MEF2A: variants seen among roughly 807,000 people sequenced by gnomAD.
MEF2A encodes myocyte-specific enhancer factor 2A.
In MEF2A, 28 loss-of-function variants were observed where a neutral mutation model predicts 55.8. The ratio of observed to expected loss-of-function variants is 0.50; its 90% confidence interval spans 0.37 to 0.69. MEF2A has a LOEUF of 0.69. Among genes scored for constraint, MEF2A ranks in the 30% least tolerant of loss-of-function variants. MEF2A has a pLI of 0.00. For missense variants in MEF2A, 528 were observed against 626.2 expected, an observed-to-expected ratio of 0.84 and a Z score of 1.67; for synonymous variants, 239 against 227.1, an observed-to-expected ratio of 1.05 and a Z score of -0.47.
chr15:99,703,500 A>G (rs2057673997), intron 9 of MEF2A, 115 bp downstream of exon 9: 5 of 971,722 alleles, frequency 5.1e-6, no homozygotes, highest in African/African-American at 1.7e-5. Flanking sequence ...TTTAAACACT[A>G]TTCAAACACT....
At chr15:99,710,523 A>G in intron 10 of MEF2A, 111 bp from the exon 11 acceptor site, 2 of 1,382,272 alleles carry the variant, frequency 1.4e-6, no homozygotes, top group Admixed American at 3.8e-5. Context: ...GATTACTGGC[A>G]TGAGCCAGCA....
chr15:99,648,938 T>C lies in MEF2A; in HGVS notation c.258+3174T>C, dbSNP rs8182059. Among the ~76,000 whole-genome samples the C allele has an allele frequency of 5.3e-5, 8 of 152,322 alleles. No homozygotes were observed. The East Asian group carries it at 1.5e-3, about 29-fold the overall frequency. ...TATAATGTATTAAAAGTAGTTGGTA[T>C]TTGAATATTGTTGATTATAAATAGG... On this transcript the variant is annotated intron_variant, in intron 4 of 11. Coordinates refer to ENST00000557942, the MANE Select transcript of MEF2A (RefSeq NM_001319206.4).
In MEF2A at chr15:99,623,820, T is replaced by A. The variant is rs942765244; in HGVS notation, c.-142-9158T>A. On this transcript the variant is annotated intron_variant, in intron 2 of 11. Transcript: ENST00000557942. Reference sequence around the variant, plus strand: ...ATGATCTGCCGTTTTTTTTTTTTTTTAATTGAGACGGGGTTTCGCCCTTGT... The same window carrying A: ...ATGATCTGCCGTTTTTTTTTTTTTTAAATTGAGACGGGGTTTCGCCCTTGT... Among the ~76,000 whole-genome samples the A allele has an allele frequency of 9.2e-5, 14 of 152,078 alleles. 1 individual carries two copies. The highest frequency in any genetic ancestry group is 3.1e-4 in the African/African-American group (13 of 41,502).
intron 3 of MEF2A, among the ~76,000 whole-genome samples, chr15:99,641,442 G>C (rs187282869): frequency 6.6e-6 from 1 of 152,070 alleles, no homozygotes; most frequent in African/African-American, 2.4e-5. Context: ...TTGTCTTCTC[G>C]GCCGGGCGCG....
chr15:99,586,576 C>CT (rs1967355210), intron 1 of MEF2A, among the ~76,000 whole-genome samples: 1 of 151,998 alleles, frequency 6.6e-6, no homozygotes, highest in Non-Finnish European at 1.5e-5. Flanking sequence ...ACATAGAAGT[C>CT]TTTTTTTCAT....
chr15:99,714,413 C>T lies in MEF2A; in HGVS notation c.*1642C>T, dbSNP rs1395275871. ...GGGAAAGGGATCTTTTTTCCTTGAC[C>T]CTCTGAAAACAGAACGATGCAGCTG... is the stretch of plus-strand genomic sequence containing the variant. On this transcript the variant is annotated 3_prime_UTR_variant, in exon 12 of 12. Transcript: ENST00000557942. 1.3e-5 allele frequency: 2 copies of T among 151,986 alleles called. No homozygotes were observed. The highest frequency in any genetic ancestry group is 4.8e-5 in the African/African-American group (2 of 41,388). 9.4% of individuals were successfully genotyped at this position (151,986 alleles called of 1,614,324 possible). A position where few individuals can be genotyped will look rare whatever the true frequency, so the allele number is the denominator to read the frequency against.
intron 2 of MEF2A, among the ~76,000 whole-genome samples, chr15:99,607,573 AT>A (rs1022660557): frequency 7.9e-5 from 12 of 152,156 alleles, no homozygotes; most frequent in Non-Finnish European, 1.5e-4. Context: ...TTTGTAAAAC[AT>A]TTTTTCCCCC....
chr15:99,652,820 A>G (rs146787274), intron 4 of MEF2A, among the ~76,000 whole-genome samples: 11 of 152,312 alleles, frequency 7.2e-5, no homozygotes, highest in Non-Finnish European at 1.5e-4. Flanking sequence ...AAAAATATTG[A>G]ATGTAATAGT....
At chr15:99,627,402 A>G (rs888592004) in intron 2 of MEF2A, among the ~76,000 whole-genome samples, 2 of 138,744 alleles carry the variant, frequency 1.4e-5, no homozygotes, top group Non-Finnish European at 3.1e-5. Context: ...CCTGGGCGAC[A>G]GAGTGAGACT....
chr15:99,637,633 TTGTC>T (rs1186576686), intron 3 of MEF2A, among the ~76,000 whole-genome samples: 14 of 152,164 alleles, frequency 9.2e-5, no homozygotes, highest in Admixed American at 4.6e-4. Context: ...ACACTTGTTA[TTGTC>T]TGTCTTTTTT....
intron 3 of MEF2A, 42 bp from the exon 4 acceptor site, chr15:99,645,519 T>C: frequency 7.1e-7 from 1 of 1,418,192 alleles, no homozygotes; most frequent in Non-Finnish European, 9.9e-7. Context: ...ATTCAAGTAC[T>C]ACTAATGCTT....
chr15:99,592,861 A>G (rs1409218153), intron 1 of MEF2A, among the ~76,000 whole-genome samples: 1 of 152,190 alleles, frequency 6.6e-6, no homozygotes, highest in African/African-American at 2.4e-5. Flanking sequence ...TTACATTTCA[A>G]CATGAGATAT....
intron 4 of MEF2A, among the ~76,000 whole-genome samples, chr15:99,651,067 C>A (rs1393947253): frequency 6.6e-6 from 1 of 152,140 alleles, no homozygotes; most frequent in Non-Finnish European, 1.5e-5. Flanking sequence ...ATTTTTTAAA[C>A]CCTCTAAAAA....
In MEF2A at chr15:99,679,805, TATA is replaced by T. The variant is rs377682299; in HGVS notation, c.670+4355_670+4357del. On this transcript the variant is annotated intron_variant, in intron 7 of 11. Transcript: ENST00000557942. ...TTTGAAAATAAAAGAATACACTAGA[TATA>T]ATAATAAAGGAACTATAACAACAAA... 3.2e-3 allele frequency among the ~76,000 whole-genome samples: 491 copies of T among 152,358 alleles called. 3 individuals carry two copies. Among genetic ancestry groups the T allele is most frequent in the African/African-American group, 0.011 (458 of 41,584 alleles).
chr15:99,648,220 G>A (rs1023947159), intron 4 of MEF2A, among the ~76,000 whole-genome samples: 1 of 152,128 alleles, frequency 6.6e-6, no homozygotes, highest in South Asian at 2.1e-4. Context: ...TCAGGCAGTT[G>A]TATTGATGGG....
intron 7 of MEF2A, chr15:99,678,784 T>C (rs12913446): frequency 0.068 from 47,698 of 698,416 alleles, 1,710 homozygotes; most frequent in East Asian, 0.18. Flanking sequence ...TGTGTGAAAA[T>C]TGGAAACTTT....
intron 7 of MEF2A, among the ~76,000 whole-genome samples, chr15:99,679,048 C>T (rs1345563313): frequency 6.6e-6 from 1 of 152,146 alleles, no homozygotes; most frequent in Non-Finnish European, 1.5e-5. Context: ...GAACACTGCA[C>T]ACCCACCAGA....
chr15:99,629,912 C>G (rs1395815502), intron 2 of MEF2A, among the ~76,000 whole-genome samples: 1 of 151,872 alleles, frequency 6.6e-6, no homozygotes, highest in Non-Finnish European at 1.5e-5. Context: ...TGCACTCCAG[C>G]CTGGGTGACA....
chr15:99,710,671 A>G lies in MEF2A; in HGVS notation c.1047A>G (p.Gln349=), dbSNP rs1368326836. 2.5e-6 allele frequency: 4 copies of G among 1,613,570 alleles called. No homozygotes were observed. Among genetic ancestry groups the G allele is most frequent in the Non-Finnish European group, 2.5e-6 (3 of 1,179,612 alleles). ...SLTSADLSAL[Q]GFNSPGMLSL... is the part of the protein sequence containing the mutation. ...CCAGCGCTGACCTGTCAGCCCTTCA[A>G]GGCTTCAACTCGCCAGGAATGCTGT... Residue 349 remains glutamine (Q), a synonymous_variant, in exon 11 of 12, where the codon CAA becomes CAG. Transcript: ENST00000557942.
Sources: allele counts gnomAD v4.1 joint callset (sites outside exome capture counted in the v4.1 genomes callset), GRCh38; gene constraint gnomAD v4.1.1; transcripts MANE v1.5; gene names NCBI Gene and HGNC (gene_info 2026-07-23, HGNC 2026-07-21).